The following TTN variants were observed in gnomAD, a reference collection of about 807,000 sequenced individuals.
TTN encodes titin, also known as connectin.
Under a neutral mutation model 3,223.0 loss-of-function variants are expected in TTN, and 1,525 were observed. That is an observed-to-expected ratio of 0.47 (90% confidence interval 0.45 to 0.49). TTN has a LOEUF of 0.49. TTN is among the 20% of genes least tolerant of loss of function. The pLI is 0.00. For missense variants in TTN, 40,786 were observed against 43,424.0 expected, an observed-to-expected ratio of 0.94 and a Z score of 5.40; for synonymous variants, 14,094 against 15,161.0, an observed-to-expected ratio of 0.93 and a Z score of 5.17.
At position 178,680,341 on chromosome 2, in the gene TTN, T is replaced by C. The variant is rs1383203630; in HGVS notation, c.33341-10A>G. 5 of 1,606,638 alleles carry C rather than the reference T, an allele frequency of 3.1e-6. No homozygotes were observed. The South Asian group carries it at 3.4e-5, about 11-fold the overall frequency. On this transcript the variant is annotated splice_polypyrimidine_tract_variant and intron_variant, in intron 138 of 362. Coordinates refer to ENST00000589042, the MANE Select transcript of TTN (RefSeq NM_001267550.2). ...TTGGGCTTCATGGGCACTTGAAATATGAAGTATAAGGAAATTTTATTGTCA... is the reference window on the plus strand; with the variant it reads ...TTGGGCTTCATGGGCACTTGAAATACGAAGTATAAGGAAATTTTATTGTCA...
At chr2:178,791,802 T>C (rs574954583) in intron 10 of TTN, among the ~76,000 whole-genome samples, 1 of 152,174 alleles carries the variant, frequency 6.6e-6, no homozygotes, top group South Asian at 2.1e-4. Context: ...ATGATATCTA[T>C]CATCCATTTA....
In TTN at chr2:178,621,205, A is replaced by G; in HGVS notation, c.45513T>C (p.Gly15171=). The G allele has an allele frequency of 6.2e-7, 1 of 1,612,482 alleles. No individual in the cohort carries two copies. The highest frequency in any genetic ancestry group is 8.5e-7 in the Non-Finnish European group (1 of 1,179,220). Residue 15171 remains glycine, a synonymous_variant, in exon 246 of 363, where the codon GGT becomes GGC. Transcript: ENST00000589042. ...SGDKYDVIAD[G]KKRVLVVKDA... ...CTTTCACAACTAGGACCCTCTTTTT[A>G]CCATCAGCAATAACGTCATATTTAT...
At chr2:178,625,179 A>C in intron 241 of TTN, 94 bp downstream of exon 241, 1 of 1,425,306 alleles carries the variant, frequency 7.0e-7, no homozygotes, top group Non-Finnish European at 9.4e-7. Flanking sequence ...GATTTTAAAC[A>C]TCTATAGTAC....
Position 178,570,694 on chromosome 2 carries a change from T to G in TTN, c.75438A>C (p.Ile25146=), listed in dbSNP as rs957042580. 2.5e-6 allele frequency: 4 copies of G among 1,613,576 alleles called. No homozygotes were observed. The highest frequency in any genetic ancestry group is 3.4e-6 in the Non-Finnish European group (4 of 1,179,604). Residue 25146 remains isoleucine, a synonymous_variant, in exon 326 of 363, where the codon ATA becomes ATC. Transcript: ENST00000589042. ...TGTTTGAAAGCTCCTGATCACCTTTTATCCACTGAATGGTTGGTATTGGTT... is the reference window on the plus strand; with the variant it reads ...TGTTTGAAAGCTCCTGATCACCTTTGATCCACTGAATGGTTGGTATTGGTT... ...YGKPIPTIQW[I]KGDQELSNTA... is the part of the protein sequence containing the mutation.
At position 178,565,067 on chromosome 2, in the gene TTN, A is replaced by G; in HGVS notation, c.81065T>C (p.Met27022Thr). 1.9e-6 allele frequency: 3 copies of G among 1,613,650 alleles called. No individual in the cohort carries two copies. The highest frequency in any genetic ancestry group is 2.5e-6 in the Non-Finnish European group (3 of 1,179,682). Residue 27022 changes from methionine (M) to threonine (T), a missense_variant, in exon 326 of 363, where the codon ATG (methionine) becomes ACG (threonine). By Grantham distance (81) the Met-to-Thr change is moderately conservative (BLOSUM62 -1). Transcript: ENST00000589042. Reference sequence around the variant, plus strand: ...TGTTCTTGCAACTGTTGCTGATACCATGTGCCAAGTGGTGGTGGTTGTATC... The same window carrying G: ...TGTTCTTGCAACTGTTGCTGATACCGTGTGCCAAGTGGTGGTGGTTGTATC... Reference protein sequence around the residue: ...KRDTTTTTWHMVSATVARTTI... With the variant: ...KRDTTTTTWHTVSATVARTTI...
chr2:178,738,482 C>G, intron 48 of TTN, 122 bp from the exon 49 acceptor site: 2 of 1,237,542 alleles, frequency 1.6e-6, no homozygotes, highest in Non-Finnish European at 2.2e-6. Context: ...AGATGGATTA[C>G]AGCAGTTTAA....
At chr2:178,680,361 T>C (rs2069075611) in intron 138 of TTN, 30 bp from the exon 139 acceptor site, 8 of 1,594,514 alleles carry the variant, frequency 5.0e-6, no homozygotes, top group South Asian at 3.4e-5. Context: ...GGAAATTTTA[T>C]TGTCAGTAAA....
intron 21 of TTN, 151 bp from the exon 22 acceptor site, chr2:178,780,356 A>T: frequency 1.4e-6 from 1 of 690,612 alleles, no homozygotes; most frequent in Non-Finnish European, 2.5e-6. Flanking sequence ...AATATTTTCT[A>T]GATGGAATTT....
rs1382513645 is a variant in TTN at position 178,689,846 on chromosome 2, C to T, written c.31813G>A (p.Val10605Ile). The T allele has an allele frequency of 6.2e-7, 1 of 1,612,708 alleles. No individual in the cohort carries two copies. The highest frequency in any genetic ancestry group is 1.1e-5 in the South Asian group (1 of 90,706). ...GGGGGAGCTTCCTTTTTCTTTGCAACAGGAACGGGAATCTTTTCTTCAGGG... is the reference window on the plus strand; with the variant it reads ...GGGGGAGCTTCCTTTTTCTTTGCAATAGGAACGGGAATCTTTTCTTCAGGG... ...PVPEEKIPVP[V>I]AKKKEAPPAK... is the part of the protein sequence containing the mutation. The change falls in exon 122 of 363, where the codon GTT becomes ATT. Residue 10605 changes from valine to isoleucine, a missense_variant. Coordinates refer to ENST00000589042, the MANE Select transcript of TTN (RefSeq NM_001267550.2).
At position 178,630,272 on chromosome 2, in the gene TTN, AT is replaced by A. The variant is rs2154219900; in HGVS notation, c.44249del (p.Asn14750MetfsTer14). 6.2e-7 allele frequency: 1 copy of A among 1,613,230 alleles called. No individual in the cohort carries two copies. Among genetic ancestry groups the A allele is most frequent in the Non-Finnish European group, 8.5e-7 (1 of 1,179,450 alleles). On this transcript the variant is annotated frameshift_variant, in exon 239 of 363. Coordinates refer to ENST00000589042, the MANE Select transcript of TTN (RefSeq NM_001267550.2). LOFTEE classifies it high-confidence loss of function. ...CTCGGAGGTGGGCACTAGATTTAAC[AT>A]TGGCAGCTTGGAAATCCACCCCACC... is the stretch of plus-strand genomic sequence containing the variant. ...QTGGVDFQAA[N>X]VKSSAHLRVK...
chr2:178,774,907 T>C lies in TTN; in HGVS notation c.6790+14A>G. On this transcript the variant is annotated intron_variant, in intron 29 of 362. Coordinates refer to ENST00000589042, the MANE Select transcript of TTN (RefSeq NM_001267550.2). Reference sequence around the variant, plus strand: ...GAGCTTAGGTAAACAATGAAATCCTTCGTTGTTGAATACCTTCAACAATAA... The same window carrying C: ...GAGCTTAGGTAAACAATGAAATCCTCCGTTGTTGAATACCTTCAACAATAA... The C allele has an allele frequency of 3.7e-6, 6 of 1,613,350 alleles. No homozygotes were observed. Among genetic ancestry groups the C allele is most frequent in the Non-Finnish European group, 4.2e-6 (5 of 1,179,788 alleles).
chr2:178,634,346 G>A lies in TTN; in HGVS notation c.42415+20C>T. 6.3e-7 allele frequency: 1 copy of A among 1,591,460 alleles called. No homozygotes were observed. The highest frequency in any genetic ancestry group is 1.9e-5 in the Admixed American group (1 of 52,420). On this transcript the variant is annotated intron_variant, in intron 230 of 362. Coordinates refer to ENST00000589042, the MANE Select transcript of TTN (RefSeq NM_001267550.2). The surrounding 1 kb of genome is among the most constrained non-coding windows in gnomAD (Gnocchi z 4.6). ...TTGCATGCCTTTATGGGATGTCACA[G>A]ATCTCATTAGCTCGCTTACCTGTGA...
In TTN at chr2:178,684,448, C is replaced by T. The variant is rs376713828; in HGVS notation, c.32639-35G>A. ...TAATTTTAGGATTAGGGAGTTATAT[C>T]AAAGTGGACGTAAAAAATATACTAG... On this transcript the variant is annotated intron_variant, in intron 131 of 362. Transcript: ENST00000589042. 5.0e-6 allele frequency: 8 copies of T among 1,595,384 alleles called. No homozygotes were observed. In the African/African-American group the frequency reaches 1.1e-4, roughly 22 times the overall value.
rs2154131258 is a variant in TTN at position 178,528,716 on chromosome 2, T to C, written c.107035A>G (p.Ser35679Gly). The C allele has an allele frequency of 6.2e-7, 1 of 1,613,618 alleles. No homozygotes were observed. The highest frequency in any genetic ancestry group is 2.2e-5 in the East Asian group (1 of 44,874). Residue 35679 changes from serine (S) to glycine (G), a missense_variant, in exon 360 of 363, where the codon AGC (serine) becomes GGC (glycine). Transcript: ENST00000589042. ...TTGACGATTCCTTCCTTGGTTTTGC[T>C]TATGCAGGTGAGGATTCCTTCATCT... Reference protein sequence around the residue: ...HRDEGILTCISKTKEGIVKCQ... With the variant: ...HRDEGILTCIGKTKEGIVKCQ...
At chr2:178,691,855 A>G (rs1364312239) in intron 121 of TTN, among the ~76,000 whole-genome samples, 161 bp downstream of exon 121, 1 of 152,218 alleles carries the variant, frequency 6.6e-6, no homozygotes, top group African/African-American at 2.4e-5. Flanking sequence ...TAATAAATAA[A>G]GTATGTCAAG....
At position 178,751,301 on chromosome 2, in the gene TTN, A is replaced by G. The variant is rs754794390; in HGVS notation, c.11311+1823T>C. 5 of 1,610,918 alleles carry G rather than the reference A, an allele frequency of 3.1e-6. No homozygotes were observed. In the South Asian group the frequency reaches 5.5e-5, roughly 18 times the overall value. On this transcript the variant is annotated intron_variant, in intron 47 of 362. Transcript: ENST00000589042. Reference sequence around the variant, plus strand: ...AGCCTCCCTTAAACGTTGCAACTTCACTTTGGTCTCCTTGTCCAGGAAACT... The same window carrying G: ...AGCCTCCCTTAAACGTTGCAACTTCGCTTTGGTCTCCTTGTCCAGGAAACT...
intron 149 of TTN, 79 bp from the exon 150 acceptor site, chr2:178,675,192 C>A (rs961532759): frequency 3.4e-6 from 3 of 886,200 alleles, no homozygotes; most frequent in Admixed American, 3.1e-5. Context: ...CAGTTTCCAA[C>A]ATAAGAGAGT....
At position 178,578,050 on chromosome 2, in the gene TTN, T is replaced by TTGA; in HGVS notation, c.68462_68464dup (p.Ile22821dup). 6.2e-7 allele frequency: 1 copy of TTGA among 1,613,286 alleles called. No individual in the cohort carries two copies. The highest frequency in any genetic ancestry group is 8.5e-7 in the Non-Finnish European group (1 of 1,179,494). On this transcript the variant is annotated inframe_insertion, in exon 322 of 363. Coordinates refer to ENST00000589042, the MANE Select transcript of TTN (RefSeq NM_001267550.2). ...GCTTGGCTTGCCCACACCTGCTAAA[T>TTGA]TGATTGCCATAACTCGGAATTCATA... is the stretch of plus-strand genomic sequence containing the variant.
chr2:178,595,036 C>T (rs1044564012), intron 295 of TTN, among the ~76,000 whole-genome samples: 8 of 151,916 alleles, frequency 5.3e-5, no homozygotes, highest in Non-Finnish European at 7.4e-5. Flanking sequence ...TTTCGGAGGC[C>T]GAGGCAGGTG....
Sources: gnomAD v4.1 joint callset for allele counts (sites outside exome capture counted in the v4.1 genomes callset) on GRCh38, gnomAD v4.1.1 for gene constraint, Gnocchi (gnomAD v3.1) non-coding constraint, MANE v1.5 for transcripts, NCBI Gene and HGNC (gene_info 2026-07-23, HGNC 2026-07-21) for gene names.